ZNF609: variants seen among roughly 807,000 people sequenced by gnomAD.
ZNF609 encodes the protein zinc finger protein 609.
ZNF609 carries 11 observed loss-of-function variants against 109.5 expected under a neutral mutation model. The observed-to-expected ratio is 0.10, with a 90% CI of 0.06 to 0.17. The LOEUF is 0.17. Among genes scored for constraint, ZNF609 ranks in the 10% least tolerant of loss-of-function variants. The probability of loss-of-function intolerance (pLI) is 1.00; values close to 1 mark genes in which losing one functional copy is unlikely to be tolerated. For synonymous variants in ZNF609, 646 were observed against 662.0 expected (o/e 0.98, Z 0.37); for missense variants, 1,559 against 1,772.4 (o/e 0.88, Z 2.16).
intron 3 of ZNF609, among the ~76,000 whole-genome samples, chr15:64,663,234 C>G (rs914446279): frequency 6.6e-6 from 1 of 152,030 alleles, no homozygotes; most frequent in African/African-American, 2.4e-5. Context: ...GAGAAATGAT[C>G]AAAATCTGGA....
intron 2 of ZNF609, among the ~76,000 whole-genome samples, chr15:64,546,789 CTTTTTTTTTTTTTT>C (rs1206513622): frequency 8.2e-6 from 1 of 122,566 alleles, no homozygotes; most frequent in Non-Finnish European, 1.7e-5. Flanking sequence ...TTTCATGTTT[CTTTTTTTTTTTTTT>C]TTTTTGAGAC....
chr15:64,553,709 C>T (rs1894528859), intron 2 of ZNF609, among the ~76,000 whole-genome samples: 2 of 151,942 alleles, frequency 1.3e-5, no homozygotes, highest in African/African-American at 4.8e-5. Flanking sequence ...CGCCATTCTC[C>T]TGCCTCAGCC....
At chr15:64,564,627 T>C (rs1894744805) in intron 2 of ZNF609, among the ~76,000 whole-genome samples, 1 of 151,994 alleles carries the variant, frequency 6.6e-6, no homozygotes, top group African/African-American at 2.4e-5. Context: ...TTTTTTGTCA[T>C]ATTCACAAGG....
chr15:64,646,591 G>T (rs1896337147), intron 3 of ZNF609, among the ~76,000 whole-genome samples: 4 of 130,556 alleles, frequency 3.1e-5, no homozygotes, highest in Admixed American at 1.8e-4. Flanking sequence ...CCAAGATCGT[G>T]CCACTGCACT....
chr15:64,607,816 CTTCTTTCTTTCTTTCT>C (rs71133456), intron 2 of ZNF609, among the ~76,000 whole-genome samples: 2,149 of 98,896 alleles, frequency 0.022, 231 homozygotes, highest in African/African-American at 0.071. Flanking sequence ...TAAATGTTTT[CTTCTTTCTTTCTTTCT>C]TTCTTTCTTT....
intron 2 of ZNF609, among the ~76,000 whole-genome samples, chr15:64,534,375 GA>G (rs931865625): frequency 1.4e-4 from 21 of 147,630 alleles, no homozygotes; most frequent in Non-Finnish European, 2.7e-4. Context: ...GCAGTGGTGT[GA>G]TCTGGGCCCA....
At chr15:64,644,291 T>C (rs940458289) in intron 3 of ZNF609, among the ~76,000 whole-genome samples, 4 of 152,158 alleles carry the variant, frequency 2.6e-5, no homozygotes, top group Admixed American at 2.6e-4. Flanking sequence ...AAGACCAGCC[T>C]GGTCAACATA....
At chr15:64,646,187 T>C (rs953250876) in intron 3 of ZNF609, among the ~76,000 whole-genome samples, 1 of 152,136 alleles carries the variant, frequency 6.6e-6, no homozygotes, top group African/African-American at 2.4e-5. Context: ...CAATGGAATA[T>C]TATTCAGCAA....
intron 2 of ZNF609, among the ~76,000 whole-genome samples, chr15:64,564,613 T>G (rs1056523687): frequency 9.6e-5 from 14 of 146,590 alleles, no homozygotes; most frequent in Admixed American, 1.4e-4. Flanking sequence ...TTTTGTGGGG[T>G]TTTTTTTTTG....
chr15:64,644,635 GAAAACTT>G (rs1364269823), intron 3 of ZNF609, among the ~76,000 whole-genome samples: 2 of 152,218 alleles, frequency 1.3e-5, no homozygotes, highest in African/African-American at 2.4e-5. Flanking sequence ...GTAAATTGCA[GAAAACTT>G]ATAAAATGGT....
intron 2 of ZNF609, among the ~76,000 whole-genome samples, chr15:64,612,504 CTT>C (rs1895733346): frequency 6.6e-6 from 1 of 151,826 alleles, no homozygotes; most frequent in African/African-American, 2.4e-5. Flanking sequence ...GCTACTCTGT[CTT>C]TTTATCTTTT....
chr15:64,549,022 AT>A (rs553146145), intron 2 of ZNF609, among the ~76,000 whole-genome samples: 42 of 152,168 alleles, frequency 2.8e-4, no homozygotes, highest in African/African-American at 9.4e-4. Flanking sequence ...AGGCACATGA[AT>A]TTTTTTTATT....
At position 64,623,626 on chromosome 15, in the gene ZNF609, T is replaced by A. The variant is rs887255433; in HGVS notation, c.973+574T>A. The stretch of plus-strand genomic sequence containing the variant: ...GTTTAGATGGTCTTGTTTTCAGGCA[T>A]CCACTAAGCAGTTGGCTCACTGTAG... On this transcript the variant is annotated intron_variant, in intron 3 of 9. Transcript: ENST00000326648. Among the ~76,000 whole-genome samples the A allele has an allele frequency of 2.6e-5, 4 of 152,146 alleles. No homozygotes were observed. The South Asian group carries it at 8.3e-4, about 32-fold the overall frequency.
intron 3 of ZNF609, among the ~76,000 whole-genome samples, chr15:64,651,349 A>G (rs1567039502): frequency 6.6e-6 from 1 of 152,190 alleles, no homozygotes; most frequent in Non-Finnish European, 1.5e-5. Flanking sequence ...TGCAAATAAT[A>G]CCACAAAACA....
chr15:64,646,797 G>A (rs1896341857), intron 3 of ZNF609, among the ~76,000 whole-genome samples: 1 of 150,364 alleles, frequency 6.7e-6, no homozygotes. Context: ...AAAATTAGCT[G>A]GGCATGGTGG....
At chr15:64,480,983 G>A (rs769598043) in intron 1 of ZNF609, among the ~76,000 whole-genome samples, 11 of 152,094 alleles carry the variant, frequency 7.2e-5, no homozygotes, top group Non-Finnish European at 1.2e-4. Flanking sequence ...AATTTTACCC[G>A]GAGGAACAAA....
At chr15:64,468,098 G>A (rs992631055) in intron 1 of ZNF609, among the ~76,000 whole-genome samples, 1 of 151,012 alleles carries the variant, frequency 6.6e-6, no homozygotes, top group Non-Finnish European at 1.5e-5. Flanking sequence ...CTCACTGCAG[G>A]CTCAACCTCC....
chr15:64,492,943 A>G (rs1310773998), intron 1 of ZNF609, among the ~76,000 whole-genome samples: 1 of 152,168 alleles, frequency 6.6e-6, no homozygotes, highest in East Asian at 1.9e-4. Context: ...GACAGCCCTA[A>G]TATCCATATT....
At chr15:64,552,730 G>A (rs1050066410) in intron 2 of ZNF609, among the ~76,000 whole-genome samples, 2 of 152,126 alleles carry the variant, frequency 1.3e-5, no homozygotes, top group African/African-American at 2.4e-5. Flanking sequence ...GCTCACTGCA[G>A]CCCCAAACTG....
Sources: allele counts gnomAD v4.1 joint callset (sites outside exome capture counted in the v4.1 genomes callset), GRCh38; gene constraint gnomAD v4.1.1; transcripts MANE v1.5; gene names NCBI Gene and HGNC (gene_info 2026-07-23, HGNC 2026-07-21).